Variants in RAB38 observed in about 807,000 individuals in gnomAD.
RAB38 encodes RAB38, member RAS oncogene family.
In RAB38, 15 loss-of-function variants were observed where a neutral mutation model predicts 18.4. The observed-to-expected ratio is 0.82, with a 90% confidence interval of 0.55 to 1.26. The LOEUF (loss-of-function observed/expected upper bound fraction) is 1.26, where lower values mean the gene tolerates loss of function less well. RAB38 is among the 50% of genes most tolerant of loss of function. The pLI is 0.00. For missense variants in RAB38, 294 were observed against 267.4 expected (o/e 1.10, Z -0.69); for synonymous variants, 101 against 104.4 (o/e 0.97, Z 0.20).
chr11:88,046,017 T>A, the RAB38 span, among the ~76,000 whole-genome samples: 2 of 152,084 alleles, frequency 1.3e-5, no homozygotes, highest in Non-Finnish European at 1.5e-5. Flanking sequence ...CACTGCCACC[T>A]TTTCCCCCAG....
At chr11:88,111,881 A>G (rs973163993), downstream of RAB38, among the ~76,000 whole-genome samples, 1 of 151,948 alleles carries the variant, frequency 6.6e-6, no homozygotes, top group Non-Finnish European at 1.5e-5. Flanking sequence ...AAATAAGTAC[A>G]CTCTAACATT....
chr11:87,831,368 A>C, the RAB38 span, among the ~76,000 whole-genome samples: 1 of 152,142 alleles, frequency 6.6e-6, no homozygotes, highest in African/African-American at 2.4e-5. Flanking sequence ...AGAGGCATGC[A>C]TTTTAGGGTT....
At chr11:88,157,943 T>C (rs1417400899) in intron 1 of RAB38, among the ~76,000 whole-genome samples, 1 of 151,698 alleles carries the variant, frequency 6.6e-6, no homozygotes, top group Non-Finnish European at 1.5e-5. Flanking sequence ...CAGAACAGAA[T>C]GAAATTGAGA....
At chr11:87,949,775 T>A in the RAB38 span, among the ~76,000 whole-genome samples, 1 of 152,220 alleles carries the variant, frequency 6.6e-6, no homozygotes, top group Non-Finnish European at 1.5e-5. Flanking sequence ...TAATTTTTGT[T>A]CTTTTACATT....
the RAB38 span, among the ~76,000 whole-genome samples, chr11:87,889,908 T>C: frequency 6.6e-6 from 1 of 151,866 alleles, no homozygotes. Flanking sequence ...CTGTATCTAA[T>C]AGAACTTCAT....
chr11:87,929,688 A>G, the RAB38 span, among the ~76,000 whole-genome samples: 3 of 150,638 alleles, frequency 2.0e-5, no homozygotes, highest in Non-Finnish European at 3.0e-5. Context: ...AACATTAGGT[A>G]TATCTCCTAA....
At chr11:87,856,411 A>G in the RAB38 span, among the ~76,000 whole-genome samples, 1 of 152,164 alleles carries the variant, frequency 6.6e-6, no homozygotes, top group African/African-American at 2.4e-5. Flanking sequence ...ATCCCAGCTA[A>G]CGCACATTGG....
the RAB38 span, among the ~76,000 whole-genome samples, chr11:87,883,581 G>T: frequency 8.6e-5 from 13 of 151,912 alleles, no homozygotes; most frequent in African/African-American, 2.9e-4. Context: ...GCCTTACATG[G>T]CAAAGGGAAC....
At chr11:88,027,595 T>A in the RAB38 span, among the ~76,000 whole-genome samples, 6,933 of 152,336 alleles carry the variant, frequency 0.046, 211 homozygotes, top group Non-Finnish European at 0.068. Flanking sequence ...GGGAGGGTCC[T>A]ACGCCCATGG....
the RAB38 span, among the ~76,000 whole-genome samples, chr11:87,873,591 T>A: frequency 6.6e-6 from 1 of 151,548 alleles, no homozygotes; most frequent in East Asian, 2.0e-4. Flanking sequence ...TAACTTTGCA[T>A]TTACATTTAA....
chr11:88,105,087 A>G, the RAB38 span, among the ~76,000 whole-genome samples: 2 of 152,084 alleles, frequency 1.3e-5, no homozygotes, highest in African/African-American at 4.8e-5. Flanking sequence ...TTGTATGGAA[A>G]CACACTCTGA....
chr11:87,937,348 A>C, the RAB38 span, among the ~76,000 whole-genome samples: 50 of 119,358 alleles, frequency 4.2e-4, no homozygotes, highest in African/African-American at 1.4e-3. Flanking sequence ...ATATATATAT[A>C]TATCATAATT....
the RAB38 span, among the ~76,000 whole-genome samples, chr11:87,857,721 T>C: frequency 3.7e-4 from 57 of 152,228 alleles, no homozygotes; most frequent in Non-Finnish European, 1.0e-4. Context: ...GTTTGTTTTT[T>C]TCTTGTAAGT....
chr11:87,900,546 C>A, the RAB38 span, among the ~76,000 whole-genome samples: 2 of 151,636 alleles, frequency 1.3e-5, no homozygotes, highest in African/African-American at 4.8e-5. Flanking sequence ...CAGCTAGACA[C>A]TTGTTCCCAA....
At chr11:87,859,178 A>C in the RAB38 span, among the ~76,000 whole-genome samples, 1 of 151,912 alleles carries the variant, frequency 6.6e-6, no homozygotes, top group Admixed American at 6.6e-5. Flanking sequence ...AAATTTTAAA[A>C]ATAGGAAAAA....
chr11:88,052,923 T>TATATATC, the RAB38 span, among the ~76,000 whole-genome samples: 1 of 23,680 alleles, frequency 4.2e-5, no homozygotes, highest in African/African-American at 2.5e-4. Flanking sequence ...TATATATATA[T>TATATATC]ATATATATAT....
the RAB38 span, among the ~76,000 whole-genome samples, chr11:87,928,384 G>A: frequency 6.6e-6 from 1 of 151,924 alleles, no homozygotes; most frequent in African/African-American, 2.4e-5. Flanking sequence ...AAAATGGAAA[G>A]TTCTTTTAAT....
the RAB38 span, among the ~76,000 whole-genome samples, chr11:88,032,282 A>T: frequency 6.6e-6 from 1 of 152,240 alleles, no homozygotes; most frequent in Admixed American, 6.5e-5. Flanking sequence ...CAACCCTAGA[A>T]GAAAACCTAG....
At chr11:88,011,978 C>T in the RAB38 span, among the ~76,000 whole-genome samples, 1 of 152,140 alleles carries the variant, frequency 6.6e-6, no homozygotes, top group African/African-American at 2.4e-5. Context: ...CCATGGGGCA[C>T]ACTCACTCTC....
Sources: allele counts gnomAD v4.1 joint callset (sites outside exome capture counted in the v4.1 genomes callset), GRCh38; gene constraint gnomAD v4.1.1; transcripts MANE v1.5; gene names NCBI Gene and HGNC (gene_info 2026-07-23, HGNC 2026-07-21).